The following PTPRT variants were observed in gnomAD, a reference collection of about 807,000 sequenced individuals.
PTPRT encodes receptor-type tyrosine-protein phosphatase T.
Under a neutral mutation model 176.8 loss-of-function variants are expected in PTPRT, and 56 were observed. The ratio of observed to expected loss-of-function variants is 0.32; its 90% CI spans 0.26 to 0.40. The LOEUF (loss-of-function observed/expected upper bound fraction) is 0.40, where lower values mean the gene tolerates loss of function less well. PTPRT is among the 10% of genes least tolerant of loss of function. The pLI, the probability that PTPRT is intolerant of heterozygous loss-of-function variation, is 1.00. For synonymous variants in PTPRT, 783 were observed against 739.0 expected (o/e 1.06, Z -0.96); for missense variants, 1,540 against 1,908.2 (o/e 0.81, Z 3.60).
intron 2 of PTPRT, among the ~76,000 whole-genome samples, chr20:42,844,143 G>A: frequency 6.6e-6 from 1 of 152,206 alleles, no homozygotes; most frequent in Admixed American, 6.5e-5. Context: ...ACTGTGCTAG[G>A]CACTTTCCAT....
chr20:42,446,159 C>G (rs898313783), intron 9 of PTPRT, among the ~76,000 whole-genome samples: 3 of 152,134 alleles, frequency 2.0e-5, no homozygotes, highest in African/African-American at 7.2e-5. Context: ...TGCAACATAG[C>G]CCTACAGTAG....
At chr20:43,109,498 TCA>T (rs1293398696) in intron 1 of PTPRT, among the ~76,000 whole-genome samples, 1 of 152,142 alleles carries the variant, frequency 6.6e-6, no homozygotes, top group East Asian at 1.9e-4. Flanking sequence ...GATTTGATAT[TCA>T]CACTCAGTAT....
intron 15 of PTPRT, among the ~76,000 whole-genome samples, chr20:42,208,458 C>G (rs1439016559): frequency 1.3e-5 from 2 of 151,566 alleles, no homozygotes; most frequent in African/African-American, 2.4e-5. Context: ...ATCTACCAAG[C>G]AAATGGAAAA....
chr20:42,842,627 C>G (rs1322088106), intron 2 of PTPRT, among the ~76,000 whole-genome samples: 4 of 152,194 alleles, frequency 2.6e-5, no homozygotes, highest in South Asian at 2.1e-4. Flanking sequence ...ACCATGTTGG[C>G]TAGTATGGTC....
At chr20:42,376,137 C>A (rs185449164) in intron 9 of PTPRT, among the ~76,000 whole-genome samples, 1 of 152,204 alleles carries the variant, frequency 6.6e-6, no homozygotes, top group Admixed American at 6.5e-5. Flanking sequence ...CTGTGATGAA[C>A]GGGACTAAAA....
chr20:42,163,429 C>T (rs947478716), intron 16 of PTPRT, among the ~76,000 whole-genome samples: 4 of 152,122 alleles, frequency 2.6e-5, no homozygotes, highest in Admixed American at 6.5e-5. Flanking sequence ...CTTTTTCTCC[C>T]GGGATTTTAG....
intron 1 of PTPRT, among the ~76,000 whole-genome samples, chr20:42,939,366 T>G (rs1286222976): frequency 6.6e-6 from 1 of 152,206 alleles, no homozygotes; most frequent in African/African-American, 2.4e-5. Context: ...CAGCCCATGC[T>G]TCTACCAACA....
chr20:42,184,534 CCTCTTCCTCTTCTTCTTCTTCTTCTTA>C (rs1213183030), intron 16 of PTPRT, among the ~76,000 whole-genome samples: 29 of 94,588 alleles, frequency 3.1e-4, no homozygotes, highest in African/African-American at 1.2e-3. Flanking sequence ...TCTTCTTCTT[CCTCTTCCTCTTCTTCTTCTTCTTCTTA>C]TTCTTCTTCT....
intron 9 of PTPRT, among the ~76,000 whole-genome samples, chr20:42,417,087 T>A (rs2059072948): frequency 6.6e-6 from 1 of 152,206 alleles, no homozygotes; most frequent in South Asian, 2.1e-4. Context: ...GGATGCCCTA[T>A]CATCTCCAAG....
At chr20:42,830,740 A>T (rs1403117153) in intron 2 of PTPRT, among the ~76,000 whole-genome samples, 1 of 152,214 alleles carries the variant, frequency 6.6e-6, no homozygotes, top group Non-Finnish European at 1.5e-5. Flanking sequence ...GCATTTCTAT[A>T]CACCAACAAC....
intron 24 of PTPRT, among the ~76,000 whole-genome samples, chr20:42,105,086 A>T (rs957701569): frequency 3.3e-5 from 5 of 152,180 alleles, no homozygotes; most frequent in African/African-American, 1.2e-4. Context: ...CAGAGGGGAT[A>T]CTTGGGCTGT....
chr20:42,987,664 G>A lies in PTPRT; in HGVS notation c.89-101732C>T, dbSNP rs184488739. The stretch of plus-strand genomic sequence containing the variant: ...CCCACCCCTCCCCCACAGTTTCCTC[G>A]GCTAAAGCCCCCATTCTATCAGGAG... On this transcript the variant is annotated intron_variant, in intron 1 of 30. Coordinates refer to ENST00000373187, the MANE Select transcript of PTPRT (RefSeq NM_007050.6). Among the ~76,000 whole-genome samples, 82 of 135,318 alleles carry A rather than the reference G, an allele frequency of 6.1e-4. 1 individual carries two copies. In the East Asian group the frequency reaches 0.012, roughly 20 times the overall value. The allele number at this position is 135,318 out of a possible 152,430, so 88.8% of individuals were successfully genotyped here. A position where few individuals can be genotyped will look rare whatever the true frequency, so the allele number is the denominator to read the frequency against.
intron 7 of PTPRT, among the ~76,000 whole-genome samples, chr20:42,577,964 T>A (rs574036620): frequency 4.0e-5 from 6 of 149,982 alleles, no homozygotes. Context: ...TGTGTGTGTG[T>A]GTGTGTAGGC....
rs368682732 is a variant in PTPRT, at chr20:42,841,869, G to T, written c.214+43938C>A. ...TTCAATCTAGCTGAAGCCAAAGTTT[G>T]CCACTCTCCTTAAAACACTGCAATT... On this transcript the variant is annotated intron_variant, in intron 2 of 30. Coordinates refer to ENST00000373187, the MANE Select transcript of PTPRT (RefSeq NM_007050.6). 4.6e-5 allele frequency among the ~76,000 whole-genome samples: 7 copies of T among 152,164 alleles called. No homozygotes were observed. The South Asian group carries it at 1.4e-3, about 31-fold the overall frequency.
At chr20:42,248,416 T>C (rs2056491489) in intron 14 of PTPRT, among the ~76,000 whole-genome samples, 1 of 152,178 alleles carries the variant, frequency 6.6e-6, no homozygotes, top group South Asian at 2.1e-4. Context: ...TCATGATACG[T>C]GGAATCCCAT....
At chr20:42,335,920 A>C (rs981266438) in intron 11 of PTPRT, among the ~76,000 whole-genome samples, 1 of 152,196 alleles carries the variant, frequency 6.6e-6, no homozygotes, top group Non-Finnish European at 1.5e-5. Flanking sequence ...TTATGTTCAA[A>C]TTTCATATCG....
chr20:42,242,194 C>T (rs569231519), intron 14 of PTPRT, among the ~76,000 whole-genome samples: 1 of 152,328 alleles, frequency 6.6e-6, no homozygotes, highest in Admixed American at 6.5e-5. Flanking sequence ...TGCCTCCAGC[C>T]TTGCCTTGCC....
intron 7 of PTPRT, among the ~76,000 whole-genome samples, chr20:42,597,571 G>A (rs937774018): frequency 3.0e-4 from 45 of 152,238 alleles, no homozygotes; most frequent in African/African-American, 1.1e-3. Flanking sequence ...GTTTAGAAGT[G>A]TCTAGCACCT....
intron 7 of PTPRT, among the ~76,000 whole-genome samples, chr20:42,652,851 C>A (rs2075056872): frequency 6.6e-6 from 1 of 152,136 alleles, no homozygotes; most frequent in African/African-American, 2.4e-5. Context: ...ACACTCAGAC[C>A]TAACCCTAAG....
Sources: allele counts gnomAD v4.1 joint callset (sites outside exome capture counted in the v4.1 genomes callset), GRCh38; gene constraint gnomAD v4.1.1; transcripts MANE v1.5; gene names NCBI Gene and HGNC (gene_info 2026-07-23, HGNC 2026-07-21).